The following CAMK2B variants were observed in gnomAD, a reference collection of about 807,000 sequenced individuals.
CAMK2B encodes the protein calcium/calmodulin dependent protein kinase II beta.
In CAMK2B, 27 loss-of-function variants were observed where a neutral mutation model predicts 93.7. The observed-to-expected ratio is 0.29, with a 90% confidence interval of 0.21 to 0.40. The LOEUF (loss-of-function observed/expected upper bound fraction) is 0.40, where lower values mean the gene tolerates loss of function less well. Ranked by LOEUF, CAMK2B falls within the 10% of genes least tolerant of loss-of-function variation. CAMK2B has a pLI of 1.00. For missense variants in CAMK2B, 568 were observed against 895.8 expected, an observed-to-expected ratio of 0.63 and a Z score of 4.67; for synonymous variants, 374 against 358.8, an observed-to-expected ratio of 1.04 and a Z score of -0.48.
chr7:44,279,114 C>T (rs893337039), intron 2 of CAMK2B, among the ~76,000 whole-genome samples: 3 of 152,216 alleles, frequency 2.0e-5, no homozygotes, highest in Non-Finnish European at 4.4e-5. Context: ...AATTACTGTC[C>T]ATTTTTCAGA....
At chr7:44,281,159 C>T (rs1380552795) in intron 2 of CAMK2B, among the ~76,000 whole-genome samples, 1 of 152,256 alleles carries the variant, frequency 6.6e-6, no homozygotes, top group Non-Finnish European at 1.5e-5. Flanking sequence ...AACATGACTG[C>T]TGTCATCGCA....
chr7:44,269,227 T>C (rs2096949321), intron 2 of CAMK2B, among the ~76,000 whole-genome samples: 2 of 152,188 alleles, frequency 1.3e-5, no homozygotes, highest in South Asian at 4.1e-4. Context: ...GGGGGCCTGG[T>C]GGGGGCAGGG....
intron 18 of CAMK2B, chr7:44,229,129 T>G: frequency 1.6e-6 from 1 of 642,894 alleles, no homozygotes; most frequent in Admixed American, 2.6e-5. Context: ...CCCTGAAGAC[T>G]GGAATTGAGG....
intron 5 of CAMK2B, among the ~76,000 whole-genome samples, chr7:44,253,437 T>C (rs1484515325): frequency 2.0e-5 from 3 of 152,186 alleles, no homozygotes; most frequent in Admixed American, 2.0e-4. Context: ...GGCCTGGAAC[T>C]CCCGACCTCA....
intron 1 of CAMK2B, among the ~76,000 whole-genome samples, chr7:44,322,980 A>G (rs1232585301): frequency 6.6e-6 from 1 of 152,184 alleles, no homozygotes; most frequent in African/African-American, 2.4e-5. Flanking sequence ...CAGCCAGCAT[A>G]ACAACCAAGG....
chr7:44,297,067 A>C (rs1278458271), intron 1 of CAMK2B, among the ~76,000 whole-genome samples: 2 of 152,228 alleles, frequency 1.3e-5, no homozygotes, highest in Admixed American at 1.3e-4. Flanking sequence ...GTTCAAAATA[A>C]TGATACTAAC....
intron 1 of CAMK2B, among the ~76,000 whole-genome samples, chr7:44,321,573 A>C (rs2116601105): frequency 6.6e-6 from 1 of 152,338 alleles, no homozygotes; most frequent in Middle Eastern, 3.4e-3. Context: ...TTGGAATCAA[A>C]TAAAACCAAA....
At chr7:44,288,831 T>C (rs1792927736) in intron 1 of CAMK2B, among the ~76,000 whole-genome samples, 1 of 152,064 alleles carries the variant, frequency 6.6e-6, no homozygotes, top group African/African-American at 2.4e-5. Flanking sequence ...CCTCCTTCAT[T>C]GCAGGGGGGC....
At position 44,225,738 on chromosome 7, in the gene CAMK2B, C is replaced by A. The variant is rs1171794699; in HGVS notation, c.1597+778G>T. 7.0e-6 allele frequency: 9 copies of A among 1,289,220 alleles called. No homozygotes were observed. In the African/African-American group the frequency reaches 1.4e-4, roughly 20 times the overall value. The allele number at this position is 1,289,220 out of a possible 1,614,324, so 79.9% of individuals were successfully genotyped here. Reference sequence around the variant, plus strand: ...TGCAGAGGGGACGGTGGCAAGCAGACCCCACCTGTCCCTCAAGTACTTACC... The same window carrying A: ...TGCAGAGGGGACGGTGGCAAGCAGAACCCACCTGTCCCTCAAGTACTTACC... On this transcript the variant is annotated intron_variant, in intron 20 of 23. Coordinates refer to ENST00000395749, the MANE Select transcript of CAMK2B (RefSeq NM_001220.5). This position sits in a 1 kb window ranked among gnomAD's most constrained non-coding sequence, Gnocchi z 5.0.
chr7:44,233,995 G>A (rs1175789413), intron 15 of CAMK2B, among the ~76,000 whole-genome samples: 2 of 152,346 alleles, frequency 1.3e-5, no homozygotes, highest in East Asian at 1.9e-4. Context: ...TCTGTGGGTC[G>A]GCCTGTTGAG....
At chr7:44,275,887 T>A (rs369786343) in intron 2 of CAMK2B, among the ~76,000 whole-genome samples, 2 of 152,188 alleles carry the variant, frequency 1.3e-5, no homozygotes, top group African/African-American at 4.8e-5. Context: ...ATCCCCATCC[T>A]GTTGAAGGCT....
intron 1 of CAMK2B, among the ~76,000 whole-genome samples, chr7:44,306,860 A>G (rs1178693207): frequency 2.7e-3 from 230 of 84,562 alleles, no homozygotes; most frequent in Middle Eastern, 9.4e-3. Context: ...TGAGCAGGGG[A>G]AGGAAGGTGT....
intron 1 of CAMK2B, among the ~76,000 whole-genome samples, chr7:44,322,094 G>A (rs117367169): frequency 6.6e-6 from 1 of 152,262 alleles, no homozygotes; most frequent in African/African-American, 2.4e-5. Flanking sequence ...AGACAACCTA[G>A]ATTTCCATTG....
In CAMK2B at chr7:44,240,318, G is replaced by A. The variant is rs560977049; in HGVS notation, c.946+389C>T. On this transcript the variant is annotated intron_variant, in intron 12 of 23. Transcript: ENST00000395749. ...GCCCCCGAGCCTCCCGCATCACCCC[G>A]CATCCCTTCTGCCCACCTCCCGCAC... 3.9e-5 allele frequency among the ~76,000 whole-genome samples: 6 copies of A among 152,290 alleles called. No homozygotes were observed. The East Asian group carries it at 5.8e-4, about 15-fold the overall frequency.
chr7:44,245,712 C>T (rs1024082867), intron 6 of CAMK2B, among the ~76,000 whole-genome samples: 2 of 151,906 alleles, frequency 1.3e-5, no homozygotes, highest in African/African-American at 2.4e-5. Flanking sequence ...GGTACGGTGG[C>T]GTGTAAAGGG....
At chr7:44,274,483 G>C (rs2097012105) in intron 2 of CAMK2B, among the ~76,000 whole-genome samples, 1 of 152,186 alleles carries the variant, frequency 6.6e-6, no homozygotes. Flanking sequence ...TCCCACCCAG[G>C]CCTCAAACCC....
At chr7:44,244,614 C>T (rs1023776922) in intron 6 of CAMK2B, among the ~76,000 whole-genome samples, 11 of 152,106 alleles carry the variant, frequency 7.2e-5, no homozygotes, top group South Asian at 4.2e-4. Flanking sequence ...CTTGATGAGC[C>T]GCCCAAAGAG....
intron 4 of CAMK2B, among the ~76,000 whole-genome samples, chr7:44,255,163 G>A (rs1038089479): frequency 2.7e-4 from 41 of 152,106 alleles, no homozygotes; most frequent in African/African-American, 9.2e-4. Flanking sequence ...GGTGGCGCAG[G>A]GTCTTGAGGT....
intron 20 of CAMK2B, chr7:44,226,015 C>T (rs2096471968): frequency 2.2e-6 from 2 of 899,246 alleles, no homozygotes; most frequent in Non-Finnish European, 3.0e-6. Flanking sequence ...CAGCCTGGCC[C>T]CAGCTGCCCC....
Sources: allele counts gnomAD v4.1 joint callset (sites outside exome capture counted in the v4.1 genomes callset), GRCh38; gene constraint gnomAD v4.1.1; non-coding constraint Gnocchi (gnomAD v3.1); transcripts MANE v1.5; gene names NCBI Gene and HGNC (gene_info 2026-07-23, HGNC 2026-07-21).